The following SOX5 variants were observed in gnomAD, a reference collection of about 807,000 sequenced individuals.
The protein encoded by SOX5 is transcription factor SOX-5.
In SOX5, 9 loss-of-function variants were observed where a neutral mutation model predicts 92.0. The ratio of observed to expected loss-of-function variants is 0.10; its 90% CI spans 0.06 to 0.17. The LOEUF (loss-of-function observed/expected upper bound fraction) is 0.17. Among genes scored for constraint, SOX5 ranks in the 10% least tolerant of loss-of-function variants. SOX5 has a pLI of 1.00. For missense variants in SOX5, 642 were observed against 944.5 expected (o/e 0.68, Z 4.20); for synonymous variants, 344 against 336.3 (o/e 1.02, Z -0.25).
chr12:23,823,457 G>T (rs2096165700), intron 3 of SOX5, among the ~76,000 whole-genome samples: 1 of 152,118 alleles, frequency 6.6e-6, no homozygotes, highest in Non-Finnish European at 1.5e-5. Context: ...CTCTCTTCTG[G>T]CTTGTAGGGT....
chr12:24,032,595 C>T (rs955481257), intron 4 of SOX5, among the ~76,000 whole-genome samples: 25 of 151,952 alleles, frequency 1.6e-4, no homozygotes, highest in African/African-American at 5.5e-4. Context: ...CTGCTGTTAA[C>T]TGTAGTAACT....
intron 2 of SOX5, among the ~76,000 whole-genome samples, chr12:24,337,124 T>C (rs936692242): frequency 1.3e-5 from 2 of 152,144 alleles, no homozygotes; most frequent in African/African-American, 4.8e-5. Flanking sequence ...GAGCAATAAT[T>C]ACCCACTATG....
intron 4 of SOX5, among the ~76,000 whole-genome samples, chr12:24,133,126 C>T (rs193283456): frequency 1.3e-5 from 2 of 152,322 alleles, no homozygotes; most frequent in Non-Finnish European, 2.9e-5. Context: ...ATAAAGGCTT[C>T]CCACTCTGTT....
At chr12:24,320,259 C>T (rs535019319) in intron 2 of SOX5, among the ~76,000 whole-genome samples, 138 of 152,318 alleles carry the variant, frequency 9.1e-4, no homozygotes, top group Non-Finnish European at 1.8e-3. Flanking sequence ...ATAAAATGTT[C>T]CCTCCTAGTT....
chr12:24,101,595 GAATA>G (rs1402628409), intron 4 of SOX5, among the ~76,000 whole-genome samples: 10 of 151,966 alleles, frequency 6.6e-5, no homozygotes, highest in African/African-American at 2.4e-4. Context: ...GTAAACCGTC[GAATA>G]AATGAATGAC....
intron 6 of SOX5, among the ~76,000 whole-genome samples, chr12:23,667,818 T>C (rs2084069882): frequency 6.6e-6 from 1 of 152,128 alleles, no homozygotes; most frequent in Non-Finnish European, 1.5e-5. Flanking sequence ...GTACTATTAA[T>C]AAAAAGAATA....
chr12:24,413,383 T>C (rs1964462904), intron 1 of SOX5, among the ~76,000 whole-genome samples: 1 of 152,252 alleles, frequency 6.6e-6, no homozygotes, highest in African/African-American at 2.4e-5. Flanking sequence ...ACTTTCTTTG[T>C]ATTAATGTCT....
At chr12:24,294,742 G>A (rs1488518542) in intron 2 of SOX5, among the ~76,000 whole-genome samples, 1 of 152,214 alleles carries the variant, frequency 6.6e-6, no homozygotes, top group East Asian at 1.9e-4. Context: ...AGGCAAACAT[G>A]TTTCCCTGAA....
chr12:23,750,148 C>A (rs1311726171), intron 4 of SOX5, among the ~76,000 whole-genome samples: 1 of 151,808 alleles, frequency 6.6e-6, no homozygotes, highest in East Asian at 1.9e-4. Context: ...AAAACACAGG[C>A]CTTAAAGGCA....
upstream of SOX5, among the ~76,000 whole-genome samples, chr12:23,951,653 T>TACTA (rs10653535): frequency 6.6e-6 from 1 of 151,582 alleles, no homozygotes; most frequent in East Asian, 1.9e-4. Context: ...AATATATATA[T>TACTA]ACACACACAC....
chr12:24,529,697 G>C (rs1463235809), intron 1 of SOX5, among the ~76,000 whole-genome samples: 1 of 152,078 alleles, frequency 6.6e-6, no homozygotes, highest in Non-Finnish European at 1.5e-5. Flanking sequence ...AAGAGTTATC[G>C]CTTGCAGAGC....
chr12:23,863,214 G>C (rs1398240296), intron 2 of SOX5, among the ~76,000 whole-genome samples: 4 of 152,196 alleles, frequency 2.6e-5, no homozygotes, highest in Admixed American at 2.6e-4. Context: ...ACATGGGTTA[G>C]CTAATTCTTT....
chr12:23,650,893 C>T (rs1033551133), intron 7 of SOX5, among the ~76,000 whole-genome samples: 2 of 151,816 alleles, frequency 1.3e-5, no homozygotes, highest in African/African-American at 4.8e-5. Context: ...AGGCATAGAA[C>T]GATTGGAAGA....
intron 8 of SOX5, among the ~76,000 whole-genome samples, chr12:23,618,858 G>C (rs969033074): frequency 6.6e-6 from 1 of 152,134 alleles, no homozygotes. Flanking sequence ...TGGGATAGAG[G>C]TGGAATCCCC....
At chr12:23,976,390 T>TAAAAAAAAAAAAAAAAAAAAAAA (rs1327142180) in intron 4 of SOX5, among the ~76,000 whole-genome samples, 1 of 111,576 alleles carries the variant, frequency 9.0e-6, no homozygotes, top group African/African-American at 3.6e-5. Flanking sequence ...TGAACACTAT[T>TAAAAAAAAAAAAAAAAAAAAAAA]AAAAAAACAA....
At chr12:23,768,556 T>C (rs960196328) in intron 3 of SOX5, among the ~76,000 whole-genome samples, 13 of 152,190 alleles carry the variant, frequency 8.5e-5, no homozygotes, top group African/African-American at 3.1e-4. Context: ...GAAACATTGC[T>C]AGTAATTAGG....
intron 9 of SOX5, among the ~76,000 whole-genome samples, chr12:23,579,402 T>G (rs1394996668): frequency 1.3e-5 from 2 of 152,212 alleles, no homozygotes; most frequent in African/African-American, 4.8e-5. Context: ...ATTCTTGATC[T>G]TTATACTGGT....
At chr12:24,339,163 C>CCCCA (rs141671017) in intron 2 of SOX5, among the ~76,000 whole-genome samples, 127 of 140,470 alleles carry the variant, frequency 9.0e-4, no homozygotes, top group Admixed American at 2.3e-3. Flanking sequence ...TCTCTCTCTG[C>CCCCA]CACACACACA....
At chr12:23,799,390 C>T (rs1045649148) in intron 3 of SOX5, among the ~76,000 whole-genome samples, 2 of 152,046 alleles carry the variant, frequency 1.3e-5, no homozygotes, top group Non-Finnish European at 2.9e-5. Flanking sequence ...GAAGTAAACA[C>T]TATATCCTTT....
Sources: allele counts gnomAD v4.1 joint callset (sites outside exome capture counted in the v4.1 genomes callset), GRCh38; gene constraint gnomAD v4.1.1; transcripts MANE v1.5; gene names NCBI Gene and HGNC (gene_info 2026-07-23, HGNC 2026-07-21).